Variants in DCC observed in about 807,000 individuals in gnomAD.
DCC encodes the protein netrin receptor DCC.
A neutral mutation model predicts 172.5 loss-of-function variants in DCC; 58 were observed. The observed-to-expected ratio is 0.34, with a 90% CI of 0.27 to 0.42. The LOEUF is 0.42. DCC is among the 10% of genes least tolerant of loss of function. DCC has a pLI of 1.00. For missense variants in DCC, 1,740 were observed against 1,791.0 expected (o/e 0.97, Z 0.51); for synonymous variants, 709 against 644.5 (o/e 1.10, Z -1.52).
chr18:52,378,511 C>T (rs8083883), intron 1 of DCC, among the ~76,000 whole-genome samples: 25,251 of 151,976 alleles, frequency 0.17, 2,316 homozygotes, highest in African/African-American at 0.23. Flanking sequence ...AGGCAAGATA[C>T]ACAGCCATGA....
intron 2 of DCC, among the ~76,000 whole-genome samples, chr18:52,753,859 T>A (rs947495742): frequency 6.6e-6 from 1 of 152,160 alleles, no homozygotes; most frequent in Non-Finnish European, 1.5e-5. Flanking sequence ...AAGAATCAGT[T>A]TTTTTACTTG....
rs187167714 is a variant in DCC at position 53,100,891 on chromosome 18, G to A, written c.1261+34725G>A. On this transcript the variant is annotated intron_variant, in intron 7 of 28. Transcript: ENST00000442544. ...GAGAGGGCTACCATCCTTGCATGTG[G>A]CATCTGAAAGATAACCACACAGAGC... Among the ~76,000 whole-genome samples, 74 of 152,238 alleles carry A rather than the reference G, an allele frequency of 4.9e-4. No homozygotes were observed. The East Asian group carries it at 0.014, about 28-fold the overall frequency.
At chr18:53,171,507 G>T (rs1383389618) in intron 8 of DCC, among the ~76,000 whole-genome samples, 1 of 152,144 alleles carries the variant, frequency 6.6e-6, no homozygotes, top group African/African-American at 2.4e-5. Flanking sequence ...CCATATCAAT[G>T]AATATGTTTA....
intron 5 of DCC, among the ~76,000 whole-genome samples, chr18:52,992,932 T>C (rs553358747): frequency 6.7e-6 from 1 of 149,154 alleles, no homozygotes; most frequent in East Asian, 2.0e-4. Context: ...TGAGCCAAGA[T>C]CACACCACTG....
chr18:53,186,381 G>A (rs1345562219), intron 9 of DCC, among the ~76,000 whole-genome samples: 2 of 152,124 alleles, frequency 1.3e-5, no homozygotes, highest in Non-Finnish European at 2.9e-5. Context: ...GAAAGCGGTT[G>A]GTTTGCTAAG....
chr18:52,923,645 T>C (rs897627747), intron 3 of DCC, 62 bp from the exon 4 acceptor site: 4 of 1,305,032 alleles, frequency 3.1e-6, no homozygotes, highest in Non-Finnish European at 4.4e-6. Context: ...AAAATCAAAA[T>C]ATATCATTTA....
At position 52,923,709 on chromosome 18, in the gene DCC, C is replaced by G. The variant is rs1250656110; in HGVS notation, c.700C>G (p.Pro234Ala). The G allele has an allele frequency of 6.2e-7, 1 of 1,602,908 alleles. No homozygotes were observed. The highest frequency in any genetic ancestry group is 2.2e-5 in the East Asian group (1 of 44,802). The change falls in exon 4 of 29, where the codon CCA (proline) becomes GCA (alanine). Residue 234 changes from proline to alanine, a missense_variant and splice_region_variant. Pro to Ala is a conservative substitution (Grantham distance 27). Transcript: ENST00000442544. ...NEAEVRILSD[P>A]GLHRQLYFLQ... is the part of the protein sequence containing the mutation. ...GATACTGTGTTTTCCCCTCATAGAT[C>G]CAGGACTGCATAGACAGCTGTATTT...
At chr18:53,466,532 C>CTTTTTTTTTTTTTTTTTTT (rs1241526477) in intron 24 of DCC, among the ~76,000 whole-genome samples, 1 of 152,010 alleles carries the variant, frequency 6.6e-6, no homozygotes, top group African/African-American at 2.4e-5. Context: ...TTCATTTTTA[C>CTTTTTTTTTTTTTTTTTTT]TTTTATTTTT....
intron 23 of DCC, among the ~76,000 whole-genome samples, chr18:53,457,274 A>G (rs2045494429): frequency 6.6e-6 from 1 of 152,224 alleles, no homozygotes; most frequent in Non-Finnish European, 1.5e-5. Flanking sequence ...AACAGAAGCC[A>G]TCTGGGGCTC....
At chr18:52,656,849 C>T (rs1009260415) in intron 1 of DCC, among the ~76,000 whole-genome samples, 1 of 151,980 alleles carries the variant, frequency 6.6e-6, no homozygotes, top group African/African-American at 2.4e-5. Flanking sequence ...ATTCTAAATA[C>T]AAATATATCC....
chr18:53,074,224 T>C (rs2042693822), intron 7 of DCC, among the ~76,000 whole-genome samples: 1 of 152,016 alleles, frequency 6.6e-6, no homozygotes, highest in Admixed American at 6.6e-5. Context: ...GTCCCTGGAG[T>C]TCTGTAACTA....
At chr18:52,614,670 T>C (rs2034344168) in intron 1 of DCC, among the ~76,000 whole-genome samples, 1 of 152,118 alleles carries the variant, frequency 6.6e-6, no homozygotes, top group African/African-American at 2.4e-5. Flanking sequence ...AAAGGAAAAT[T>C]GGCAAGCATT....
chr18:52,849,902 A>T (rs73456865), intron 2 of DCC, among the ~76,000 whole-genome samples: 1 of 152,296 alleles, frequency 6.6e-6, no homozygotes, highest in African/African-American at 2.4e-5. Flanking sequence ...AAAGAAAAAC[A>T]TCCAAGCCCA....
intron 7 of DCC, among the ~76,000 whole-genome samples, chr18:53,121,300 A>G (rs771420339): frequency 6.6e-5 from 10 of 151,966 alleles, no homozygotes; most frequent in Non-Finnish European, 1.0e-4. Context: ...AATACAAAAT[A>G]TCATTTCTGT....
chr18:52,877,556 A>C (rs1333231732), intron 2 of DCC, among the ~76,000 whole-genome samples: 1 of 151,852 alleles, frequency 6.6e-6, no homozygotes, highest in Admixed American at 6.6e-5. Flanking sequence ...AAAATACAAA[A>C]ATTAGCCAGG....
chr18:53,318,884 G>T (rs1192338230), intron 13 of DCC, among the ~76,000 whole-genome samples: 1 of 151,634 alleles, frequency 6.6e-6, no homozygotes, highest in East Asian at 1.9e-4. Context: ...TATCCACAAA[G>T]GGAAGCCCAT....
chr18:52,747,961 C>A (rs2036933357), intron 1 of DCC, among the ~76,000 whole-genome samples: 2 of 152,214 alleles, frequency 1.3e-5, no homozygotes, highest in Admixed American at 6.5e-5. Context: ...AGCGCTCCTG[C>A]CTGGGCCTCA....
chr18:53,374,951 C>T (rs2058094718), intron 15 of DCC, among the ~76,000 whole-genome samples: 1 of 152,090 alleles, frequency 6.6e-6, no homozygotes, highest in Non-Finnish European at 1.5e-5. Flanking sequence ...GAGTGTAAAC[C>T]ATTTGGGCCT....
intron 7 of DCC, among the ~76,000 whole-genome samples, chr18:53,138,287 G>A (rs538991079): frequency 9.2e-5 from 14 of 152,110 alleles, no homozygotes; most frequent in East Asian, 3.9e-4. Context: ...CATCTTCCTC[G>A]TCAGTAAAAT....
Sources: gnomAD v4.1 joint callset for allele counts (sites outside exome capture counted in the v4.1 genomes callset) on GRCh38, gnomAD v4.1.1 for gene constraint, MANE v1.5 for transcripts, NCBI Gene and HGNC (gene_info 2026-07-23, HGNC 2026-07-21) for gene names.